ABI1: variants seen among roughly 807,000 people sequenced by gnomAD.
ABI1 encodes abl interactor 1, also known as Abelson interactor 1.
ABI1 carries 14 observed loss-of-function variants against 54.6 expected under a neutral mutation model. The ratio of observed to expected loss-of-function variants is 0.26; its 90% CI spans 0.17 to 0.40. The LOEUF (loss-of-function observed/expected upper bound fraction) is 0.40. Among genes scored for constraint, ABI1 ranks in the 10% least tolerant of loss-of-function variants. The pLI, the probability that ABI1 is intolerant of heterozygous loss-of-function variation, is 1.00. For synonymous variants in ABI1, 194 were observed against 209.3 expected (o/e 0.93, Z 0.63); for missense variants, 443 against 598.3 (o/e 0.74, Z 2.71).
Position 26,860,902 on chromosome 10 carries a change from G to C in ABI1, c.-39C>G. ...GCATCGCTTCCTCTCGCGTTAAAGA[G>C]ACAGAGGCAGCAAGGTCCGCCGAGG... On this transcript the variant is annotated 5_prime_UTR_variant, in exon 1 of 11. Coordinates refer to ENST00000376140, the MANE Select transcript of ABI1 (RefSeq NM_001012750.3). The surrounding 1 kb of genome is among the most constrained non-coding windows in gnomAD (Gnocchi z 4.1). 2 of 1,587,956 alleles carry C rather than the reference G, an allele frequency of 1.3e-6. No homozygotes were observed. The highest frequency in any genetic ancestry group is 1.7e-6 in the Non-Finnish European group (2 of 1,157,222).
intron 1 of ABI1, among the ~76,000 whole-genome samples, chr10:26,851,435 C>T (rs557921452): frequency 6.9e-6 from 1 of 144,156 alleles, no homozygotes; most frequent in Non-Finnish European, 1.5e-5. Context: ...AAGCAATCCT[C>T]CCACCTCAAC....
At chr10:26,793,653 C>T (rs1843748362) in intron 2 of ABI1, among the ~76,000 whole-genome samples, 1 of 152,058 alleles carries the variant, frequency 6.6e-6, no homozygotes, top group Non-Finnish European at 1.5e-5. Context: ...AATTACATAC[C>T]CACCTCAAAA....
intron 1 of ABI1, among the ~76,000 whole-genome samples, chr10:26,835,625 C>T (rs1472721740): frequency 6.6e-6 from 1 of 151,666 alleles, no homozygotes; most frequent in Non-Finnish European, 1.5e-5. Flanking sequence ...TACACACACA[C>T]ACACACACAC....
At chr10:26,752,056 A>G (rs1837702977) in intron 9 of ABI1, among the ~76,000 whole-genome samples, 1 of 152,224 alleles carries the variant, frequency 6.6e-6, no homozygotes, top group African/African-American at 2.4e-5. Context: ...TAAGGATTAT[A>G]GGAGTAGTTT....
Position 26,795,810 on chromosome 10 carries a change from C to T in ABI1, c.286-18569G>A, listed in dbSNP as rs565492139. ...GGAATAATTAATATTGTTAAAACAG[C>T]CATACTACCCAAAGCAATATACAGA... On this transcript the variant is annotated intron_variant, in intron 2 of 10. Transcript: ENST00000376140. 3.3e-5 allele frequency among the ~76,000 whole-genome samples: 5 copies of T among 152,208 alleles called. No homozygotes were observed. In the South Asian group the frequency reaches 1.0e-3, roughly 32 times the overall value.
chr10:26,841,568 A>G (rs10764653), intron 1 of ABI1, among the ~76,000 whole-genome samples: 38,740 of 151,408 alleles, frequency 0.26, 5,610 homozygotes, highest in South Asian at 0.44. Context: ...CTATTTTCTT[A>G]CCCCTCACCT....
At chr10:26,824,441 T>C (rs2048178096) in intron 1 of ABI1, among the ~76,000 whole-genome samples, 1 of 152,176 alleles carries the variant, frequency 6.6e-6, no homozygotes, top group Non-Finnish European at 1.5e-5. Context: ...CAGCACTATC[T>C]ATAATAGCAG....
intron 10 of ABI1, among the ~76,000 whole-genome samples, chr10:26,749,022 A>G (rs1346043783): frequency 6.6e-6 from 1 of 152,208 alleles, no homozygotes; most frequent in Admixed American, 6.5e-5. Context: ...AATTTATTAG[A>G]TGTTTCAATT....
intron 2 of ABI1, among the ~76,000 whole-genome samples, chr10:26,800,805 G>A (rs541564195): frequency 1.3e-5 from 2 of 152,210 alleles, no homozygotes; most frequent in South Asian, 4.2e-4. Context: ...TCGGGAGTTC[G>A]AGACCAGCCT....
intron 2 of ABI1, among the ~76,000 whole-genome samples, chr10:26,796,196 A>T (rs916497250): frequency 6.6e-6 from 1 of 152,192 alleles, no homozygotes; most frequent in Non-Finnish European, 1.5e-5. Context: ...AAAAGATACA[A>T]AATAGCAGAT....
intron 7 of ABI1, among the ~76,000 whole-genome samples, chr10:26,762,968 G>GT (rs1179411601): frequency 6.6e-6 from 1 of 152,076 alleles, no homozygotes; most frequent in East Asian, 1.9e-4. Context: ...CACCAACACT[G>GT]GTACTAGCTA....
chr10:26,762,101 G>A (rs1471598495), intron 7 of ABI1, among the ~76,000 whole-genome samples: 1 of 152,124 alleles, frequency 6.6e-6, no homozygotes, highest in Non-Finnish European at 1.5e-5. Context: ...CCACCTCCCA[G>A]GCTCAAGCCA....
chr10:26,772,982 A>G (rs1564478986), intron 3 of ABI1, among the ~76,000 whole-genome samples: 1 of 151,768 alleles, frequency 6.6e-6, no homozygotes, highest in Non-Finnish European at 1.5e-5. Flanking sequence ...ATGGCTGAGG[A>G]GGGAGGATCA....
rs1302461871 is a variant in ABI1 at position 26,747,713 on chromosome 10, T to G, written c.*857A>C. ...TGACTTGTAAATAACCATTGCAGAT[T>G]TTGAATCTGCAAAAATCCGTCACAT... On this transcript the variant is annotated 3_prime_UTR_variant, in exon 11 of 11. Coordinates refer to ENST00000376140, the MANE Select transcript of ABI1 (RefSeq NM_001012750.3). The G allele has an allele frequency of 5.1e-6, 1 of 196,512 alleles. No individual in the cohort carries two copies. The highest frequency in any genetic ancestry group is 1.1e-5 in the Non-Finnish European group (1 of 94,802). 12.2% of individuals were successfully genotyped at this position (196,512 alleles called of 1,614,324 possible).
intron 10 of ABI1, among the ~76,000 whole-genome samples, chr10:26,749,950 T>C (rs940578000): frequency 2.0e-5 from 3 of 152,234 alleles, no homozygotes; most frequent in African/African-American, 7.2e-5. Context: ...TTCTTGGGAA[T>C]ATACTTTTTA....
At chr10:26,771,919 T>C (rs1259054159) in intron 3 of ABI1, among the ~76,000 whole-genome samples, 1 of 151,836 alleles carries the variant, frequency 6.6e-6, no homozygotes, top group Non-Finnish European at 1.5e-5. Context: ...TCACTACTTG[T>C]ACAATGCCAC....
At chr10:26,749,771 A>G (rs536401622) in intron 10 of ABI1, among the ~76,000 whole-genome samples, 1 of 152,216 alleles carries the variant, frequency 6.6e-6, no homozygotes, top group Non-Finnish European at 1.5e-5. Context: ...AATTTTTGTA[A>G]ATAAAGGTTT....
At chr10:26,818,028 G>A (rs944395579) in intron 2 of ABI1, among the ~76,000 whole-genome samples, 5 of 151,030 alleles carry the variant, frequency 3.3e-5, no homozygotes, top group African/African-American at 4.9e-5. Flanking sequence ...GCATGGTGGC[G>A]CATGCCCGAA....
intron 6 of ABI1, 140 bp from the exon 7 acceptor site, chr10:26,765,458 GC>G: frequency 1.5e-6 from 1 of 656,546 alleles, no homozygotes; most frequent in Non-Finnish European, 2.5e-6. Context: ...GGTTTCAAGA[GC>G]CCCCTTGGAT....
Sources: gnomAD v4.1 joint callset for allele counts (sites outside exome capture counted in the v4.1 genomes callset) on GRCh38, gnomAD v4.1.1 for gene constraint, Gnocchi (gnomAD v3.1) non-coding constraint, MANE v1.5 for transcripts, NCBI Gene and HGNC (gene_info 2026-07-23, HGNC 2026-07-21) for gene names.